The following KLHL8 variants were observed in gnomAD, a reference collection of about 807,000 sequenced individuals.
The protein encoded by KLHL8 is kelch-like protein 8.
Under a neutral mutation model 63.5 loss-of-function variants are expected in KLHL8, and 38 were observed. The observed-to-expected ratio is 0.60, with a 90% confidence interval of 0.46 to 0.78. KLHL8 has a LOEUF of 0.78. Among genes scored for constraint, KLHL8 ranks in the 30% least tolerant of loss-of-function variants. The probability of loss-of-function intolerance (pLI) is 0.00; values close to 1 mark genes in which losing one functional copy is unlikely to be tolerated. For synonymous variants in KLHL8, 224 were observed against 254.3 expected (o/e 0.88, Z 1.13); for missense variants, 566 against 752.4 (o/e 0.75, Z 2.90).
intron 1 of KLHL8, among the ~76,000 whole-genome samples, chr4:87,204,962 CA>C (rs542380634): frequency 6.6e-6 from 1 of 151,718 alleles, no homozygotes; most frequent in Non-Finnish European, 1.5e-5. Context: ...ACTTGTACCC[CA>C]AAAATGTCAA....
intron 1 of KLHL8, among the ~76,000 whole-genome samples, chr4:87,237,249 A>G (rs1733249083): frequency 2.0e-5 from 3 of 152,220 alleles, no homozygotes; most frequent in Non-Finnish European, 1.5e-5. Context: ...ACACGGAAAG[A>G]AGAATGTATT....
intron 5 of KLHL8, among the ~76,000 whole-genome samples, chr4:87,177,312 C>T (rs901863072): frequency 2.0e-5 from 3 of 151,958 alleles, no homozygotes; most frequent in African/African-American, 7.3e-5. Flanking sequence ...GTCAGGAGAT[C>T]AAGACCAACA....
chr4:87,223,686 T>A (rs1170192239), upstream of KLHL8, among the ~76,000 whole-genome samples: 2 of 151,620 alleles, frequency 1.3e-5, no homozygotes, highest in African/African-American at 4.8e-5. Context: ...TTAAATGAAA[T>A]TTTTAAACCA....
intron 1 of KLHL8, among the ~76,000 whole-genome samples, chr4:87,227,309 T>C (rs1733050041): frequency 6.6e-6 from 1 of 152,016 alleles, no homozygotes; most frequent in Non-Finnish European, 1.5e-5. Context: ...CTGGAAGCGA[T>C]GGCTTGAGTT....
chr4:87,196,738 G>A (rs1429024460), intron 1 of KLHL8, among the ~76,000 whole-genome samples: 1 of 152,120 alleles, frequency 6.6e-6, no homozygotes, highest in Non-Finnish European at 1.5e-5. Flanking sequence ...CAGAAACAGA[G>A]ATTTTAAGTT....
Position 87,160,720 on chromosome 4 carries a change from G to A in KLHL8, c.*2799C>T, listed in dbSNP as rs551230090. 3.3e-5 allele frequency: 5 copies of A among 152,228 alleles called. No individual in the cohort carries two copies. The highest frequency in any genetic ancestry group is 2.6e-4 in the Admixed American group (4 of 15,290). The allele number at this position is 152,228 out of a possible 1,614,324, so 9.4% of individuals were successfully genotyped here. A position where few individuals can be genotyped will look rare whatever the true frequency, so the allele number is the denominator to read the frequency against. On this transcript the variant is annotated 3_prime_UTR_variant, in exon 10 of 10. Transcript: ENST00000273963. The stretch of plus-strand genomic sequence containing the variant: ...AAAGCAATGGCTTTAATGACTAAAT[G>A]AAAGAATCACAAAGCACCTAGAAAT...
intron 2 of KLHL8, among the ~76,000 whole-genome samples, chr4:87,188,845 C>T (rs1731360479): frequency 1.3e-5 from 2 of 152,124 alleles, no homozygotes; most frequent in African/African-American, 4.8e-5. Flanking sequence ...TAGACATTAC[C>T]GTGTATTTAG....
At position 87,170,627 on chromosome 4, in the gene KLHL8, A is replaced by G. The variant is rs200768283; in HGVS notation, c.1209-12T>C. ...AGGCAATTCCTCGCCTGCAAAGACA[A>G]TAAAACATACTTTAGCAAATGAGTT... On this transcript the variant is annotated splice_polypyrimidine_tract_variant and intron_variant, in intron 6 of 9. Transcript: ENST00000273963. The G allele has an allele frequency of 2.8e-5, 44 of 1,594,826 alleles. No homozygotes were observed. Among genetic ancestry groups the G allele is most frequent in the Middle Eastern group, 1.7e-4 (1 of 6,002 alleles).
chr4:87,226,688 A>T (rs1211704676), intron 1 of KLHL8, among the ~76,000 whole-genome samples: 1 of 3,250 alleles, frequency 3.1e-4, no homozygotes, highest in Admixed American at 8.2e-3. Context: ...TATATATAAT[A>T]TATATATTAT....
rs574718505 is a variant in KLHL8 at position 87,168,662 on chromosome 4, ATATATATGTGTG to A, written c.1537+1405_1537+1416del. On this transcript the variant is annotated intron_variant, in intron 8 of 9. Transcript: ENST00000273963. ...TATTTTTTAAAAGATATATATATGT[ATATATATGTGTG>A]TATATATGTGTGTATATATATACGT... Among the ~76,000 whole-genome samples the A allele has an allele frequency of 4.9e-3, 722 of 147,914 alleles. 9 individuals are homozygous for A. The highest frequency in any genetic ancestry group is 0.016 in the African/African-American group (642 of 39,572).
At chr4:87,187,970 G>C (rs942676454) in intron 2 of KLHL8, among the ~76,000 whole-genome samples, 2 of 152,106 alleles carry the variant, frequency 1.3e-5, no homozygotes, top group African/African-American at 2.4e-5. Context: ...AAATGGTTTT[G>C]CTTATAAAAG....
Position 87,185,466 on chromosome 4 carries a change from A to G in KLHL8, c.550T>C (p.Leu184=). 6.2e-7 allele frequency: 1 copy of G among 1,614,200 alleles called. No individual in the cohort carries two copies. The highest frequency in any genetic ancestry group is 1.6e-4 in the Middle Eastern group (1 of 6,062). The change falls in exon 3 of 10, where the codon TTA becomes CTA. Residue 184 remains leucine, a synonymous_variant. Transcript: ENST00000273963. ...AFAESHNRID[L]MDMADQYACD... Reference sequence around the variant, plus strand: ...GCATACTGATCCGCCATGTCCATTAAGTCTATTCGATTGTGACTTTCTGCA... The same window carrying G: ...GCATACTGATCCGCCATGTCCATTAGGTCTATTCGATTGTGACTTTCTGCA...
intron 1 of KLHL8, among the ~76,000 whole-genome samples, chr4:87,239,675 T>C (rs1733294114): frequency 6.6e-6 from 1 of 152,144 alleles, no homozygotes; most frequent in Admixed American, 6.5e-5. Flanking sequence ...TCAGCAGTAC[T>C]AACAATACAT....
intron 1 of KLHL8, chr4:87,207,094 G>A (rs1732161823): frequency 2.0e-6 from 1 of 496,990 alleles, no homozygotes; most frequent in South Asian, 1.7e-5. Context: ...AGGTAGTGAA[G>A]GTGATGGCCG....
intron 8 of KLHL8, among the ~76,000 whole-genome samples, chr4:87,164,922 GCC>G (rs1560687540): frequency 6.6e-6 from 1 of 152,032 alleles, no homozygotes; most frequent in Non-Finnish European, 1.5e-5. Context: ...GCCAAGGGGG[GCC>G]GATCACGAGG....
intron 1 of KLHL8, among the ~76,000 whole-genome samples, chr4:87,216,716 A>G (rs190505397): frequency 6.6e-6 from 1 of 152,232 alleles, no homozygotes; most frequent in Admixed American, 6.5e-5. Context: ...CAAACCAAAC[A>G]ATATACTTTC....
upstream of KLHL8, among the ~76,000 whole-genome samples, chr4:87,224,921 G>A (rs1045586559): frequency 4.6e-5 from 7 of 151,696 alleles, no homozygotes; most frequent in African/African-American, 1.7e-4. Context: ...TTTTTATTTT[G>A]TTAAAGAGAT....
chr4:87,189,497 T>C (rs1731391869), intron 2 of KLHL8, among the ~76,000 whole-genome samples: 1 of 152,124 alleles, frequency 6.6e-6, no homozygotes, highest in African/African-American at 2.4e-5. Context: ...TTAGCCAATA[T>C]GAATGGAAAT....
chr4:87,192,948 G>A (rs1183962356), intron 2 of KLHL8, among the ~76,000 whole-genome samples: 1 of 152,070 alleles, frequency 6.6e-6, no homozygotes, highest in Non-Finnish European at 1.5e-5. Context: ...GCTATGAATG[G>A]AGCTGCAGGG....
Sources: gnomAD v4.1 joint callset for allele counts (sites outside exome capture counted in the v4.1 genomes callset) on GRCh38, gnomAD v4.1.1 for gene constraint, MANE v1.5 for transcripts, NCBI Gene and HGNC (gene_info 2026-07-23, HGNC 2026-07-21) for gene names.